Variants in EYA4 observed in about 807,000 individuals in gnomAD.
EYA4 encodes the protein protein phosphatase EYA4.
Under a neutral mutation model 87.9 loss-of-function variants are expected in EYA4, and 31 were observed. That is an observed-to-expected ratio of 0.35 (90% CI 0.27 to 0.48). The LOEUF (loss-of-function observed/expected upper bound fraction) is 0.48, where lower values mean the gene tolerates loss of function less well. Among genes scored for constraint, EYA4 ranks in the 20% least tolerant of loss-of-function variants. The pLI, the probability that EYA4 is intolerant of heterozygous loss-of-function variation, is 0.99. For synonymous variants in EYA4, 263 were observed against 270.6 expected, an observed-to-expected ratio of 0.97 and a Z score of 0.28; for missense variants, 678 against 761.4, an observed-to-expected ratio of 0.89 and a Z score of 1.29.
At chr6:133,325,777 A>C (rs1285151391) in intron 2 of EYA4, among the ~76,000 whole-genome samples, 2 of 152,192 alleles carry the variant, frequency 1.3e-5, no homozygotes, top group Non-Finnish European at 2.9e-5. Context: ...GCAGTTACCC[A>C]GCTCTACTGT....
At chr6:133,459,699 T>C (rs1794211198) in intron 6 of EYA4, among the ~76,000 whole-genome samples, 1 of 152,152 alleles carries the variant, frequency 6.6e-6, no homozygotes, top group African/African-American at 2.4e-5. Context: ...AAGAGTCTGT[T>C]TTCATTAAGT....
At chr6:133,352,063 A>G (rs945497789) in intron 2 of EYA4, among the ~76,000 whole-genome samples, 3 of 152,000 alleles carry the variant, frequency 2.0e-5, no homozygotes, top group Admixed American at 1.3e-4. Flanking sequence ...TGAACTATAG[A>G]TCTCAATCTG....
chr6:133,469,113 C>A (rs212765), intron 11 of EYA4, among the ~76,000 whole-genome samples: 71,540 of 151,844 alleles, frequency 0.47, 17,077 homozygotes, highest in African/African-American at 0.53. Flanking sequence ...AGCTCTAGCC[C>A]GTGAACATTT....
intron 2 of EYA4, among the ~76,000 whole-genome samples, chr6:133,316,958 C>T (rs1780675414): frequency 6.6e-6 from 1 of 152,126 alleles, no homozygotes; most frequent in African/African-American, 2.4e-5. Flanking sequence ...CTTCCTTCGG[C>T]CTGCATAGAA....
chr6:133,290,769 T>C (rs1778426817), intron 2 of EYA4, among the ~76,000 whole-genome samples: 1 of 152,158 alleles, frequency 6.6e-6, no homozygotes, highest in South Asian at 2.1e-4. Context: ...CTGAAAGGGT[T>C]TAAGCAGAGT....
chr6:133,507,339 G>A (rs1798729986), intron 14 of EYA4: 1 of 151,294 alleles, frequency 6.6e-6, no homozygotes, highest in Non-Finnish European at 1.5e-5. Context: ...TTTTACAAGT[G>A]TGTGAGAAAG....
chr6:133,323,497 G>A (rs140322281), intron 2 of EYA4, among the ~76,000 whole-genome samples: 85 of 152,146 alleles, frequency 5.6e-4, no homozygotes, highest in African/African-American at 2.0e-3. Context: ...CGTAAACTTT[G>A]GTTAATCAGA....
At chr6:133,401,524 G>C (rs1267280319) in intron 3 of EYA4, among the ~76,000 whole-genome samples, 1 of 152,002 alleles carries the variant, frequency 6.6e-6, no homozygotes, top group African/African-American at 2.4e-5. Flanking sequence ...CTTCTGTTAC[G>C]TACCAACTTT....
At chr6:133,457,148 C>T (rs1056587240) in intron 6 of EYA4, among the ~76,000 whole-genome samples, 1 of 152,124 alleles carries the variant, frequency 6.6e-6, no homozygotes, top group East Asian at 1.9e-4. Context: ...TGCAGGAGAG[C>T]ACATGCTGGT....
Position 133,247,014 on chromosome 6 carries a change from G to A in EYA4, c.-66+5265G>A, listed in dbSNP as rs112109638. On this transcript the variant is annotated intron_variant, in intron 1 of 19. Transcript: ENST00000355286. ...TTTTTAGGTGGTACCTGAACATTTT[G>A]TTTTAATAATACTTATATTTTATGT... The A allele has an allele frequency of 4.6e-5, 7 of 151,920 alleles. No individual in the cohort carries two copies. In the South Asian group the frequency reaches 1.0e-3, roughly 23 times the overall value. 9.4% of individuals were successfully genotyped at this position (151,920 alleles called of 1,614,324 possible).
intron 17 of EYA4, among the ~76,000 whole-genome samples, chr6:133,516,962 G>A (rs926607633): frequency 4.6e-5 from 7 of 152,138 alleles, no homozygotes; most frequent in Non-Finnish European, 8.8e-5. Context: ...ATTGTGAATA[G>A]TGCTGCAGTG....
Position 133,530,502 on chromosome 6 carries a change from G to C in EYA4, c.*1697G>C, listed in dbSNP as rs1327479405. 1 of 985,784 alleles carries C rather than the reference G, an allele frequency of 1.0e-6. No individual in the cohort carries two copies. The highest frequency in any genetic ancestry group is 1.7e-5 in the African/African-American group (1 of 57,352). The allele number at this position is 985,784 out of a possible 1,614,324, so 61.1% of individuals were successfully genotyped here. A position where few individuals can be genotyped will look rare whatever the true frequency, so the allele number is the denominator to read the frequency against. On this transcript the variant is annotated 3_prime_UTR_variant, in exon 20 of 20. Transcript: ENST00000355286. ...TTTAAAATGTCATAATGTGGATCCT[G>C]GAGTCAGGCTACTAGTCAGTGCCCC...
At chr6:133,302,627 A>AAC (rs1779501260) in intron 2 of EYA4, among the ~76,000 whole-genome samples, 2 of 152,190 alleles carry the variant, frequency 1.3e-5, no homozygotes, top group South Asian at 4.1e-4. Context: ...AGTACACACA[A>AAC]ACACACACAT....
In EYA4 at chr6:133,530,151, C is replaced by G. The variant is rs772550313; in HGVS notation, c.*1346C>G. ...TCATCATAAATTAAATTAGCAAGTG[C>G]GCTGGATCTTGGCAGCGCTGCTGAA... On this transcript the variant is annotated 3_prime_UTR_variant, in exon 20 of 20. Transcript: ENST00000355286. 9.1e-6 allele frequency: 9 copies of G among 984,934 alleles called. No homozygotes were observed. The highest frequency in any genetic ancestry group is 9.6e-6 in the Non-Finnish European group (8 of 829,614). The allele number at this position is 984,934 out of a possible 1,614,324, so 61.0% of individuals were successfully genotyped here.
chr6:133,473,229 A>G (rs1033636915), intron 11 of EYA4, among the ~76,000 whole-genome samples: 1 of 152,070 alleles, frequency 6.6e-6, no homozygotes, highest in East Asian at 1.9e-4. Flanking sequence ...AACTCTTTCT[A>G]ACTGGACCAG....
At chr6:133,287,640 TA>T (rs56899518) in intron 2 of EYA4, among the ~76,000 whole-genome samples, 27,126 of 152,200 alleles carry the variant, frequency 0.18, 2,888 homozygotes, top group East Asian at 0.42. Context: ...ATGTATAAGA[TA>T]ACAGTCCTGT....
chr6:133,395,336 TGAG>T (rs1787691974), intron 3 of EYA4, among the ~76,000 whole-genome samples: 1 of 151,582 alleles, frequency 6.6e-6, no homozygotes, highest in African/African-American at 2.4e-5. Flanking sequence ...AATGAATGAA[TGAG>T]GAGCTAGTTT....
chr6:133,260,657 A>G lies in EYA4; in HGVS notation c.-65-14059A>G, dbSNP rs150219210. On this transcript the variant is annotated intron_variant, in intron 1 of 19. Transcript: ENST00000355286. ...TCTAGGTCAGTCTTTATTTTATTTT[A>G]TTTTTTTGTCTTGAGGTTTCCATAC... Among the ~76,000 whole-genome samples, 138 of 152,076 alleles carry G rather than the reference A, an allele frequency of 9.1e-4. 1 individual carries two copies. The highest frequency in any genetic ancestry group is 2.9e-3 in the African/African-American group (120 of 41,496).
intron 3 of EYA4, among the ~76,000 whole-genome samples, chr6:133,432,488 C>CT (rs377728635): frequency 0.16 from 23,341 of 141,614 alleles, 1,990 homozygotes; most frequent in East Asian, 0.32. Flanking sequence ...GGCTGGTTGA[C>CT]TTTTTTTTTT....
Sources: gnomAD v4.1 joint callset for allele counts (sites outside exome capture counted in the v4.1 genomes callset) on GRCh38, gnomAD v4.1.1 for gene constraint, MANE v1.5 for transcripts, NCBI Gene and HGNC (gene_info 2026-07-23, HGNC 2026-07-21) for gene names.